CRB1: variants seen among roughly 807,000 people sequenced by gnomAD.
CRB1 encodes crumbs cell polarity complex component 1.
Under a neutral mutation model 120.0 loss-of-function variants are expected in CRB1, and 83 were observed. The observed-to-expected ratio is 0.69, with a 90% CI of 0.58 to 0.83. The LOEUF is 0.83. Ranked by LOEUF, CRB1 falls within the 40% of genes least tolerant of loss-of-function variation. The probability of loss-of-function intolerance (pLI) is 0.00; values close to 1 mark genes in which losing one functional copy is unlikely to be tolerated. For missense variants in CRB1, 1,699 were observed against 1,687.6 expected, an observed-to-expected ratio of 1.01 and a Z score of -0.12; for synonymous variants, 625 against 612.5, an observed-to-expected ratio of 1.02 and a Z score of -0.30.
At chr1:197,202,962 G>GGTGTGTGT in the CRB1 span, among the ~76,000 whole-genome samples, 7,606 of 147,592 alleles carry the variant, frequency 0.052, 631 homozygotes, top group African/African-American at 0.18. Flanking sequence ...ATGTCTTTGT[G>GGTGTGTGT]GTGTGTGTGT....
Position 197,347,429 on chromosome 1 carries a change from A to C in CRB1, c.938A>C (p.Asn313Thr). The C allele has an allele frequency of 6.2e-7, 1 of 1,614,160 alleles. No homozygotes were observed. Among genetic ancestry groups the C allele is most frequent in the Non-Finnish European group, 8.5e-7 (1 of 1,179,996 alleles). The change falls in exon 4 of 12, where the codon AAT becomes ACT. Residue 313 changes from asparagine (N) to threonine (T), a missense_variant. By Grantham distance (65) the Asn-to-Thr change is moderately conservative. Coordinates refer to ENST00000367400, the MANE Select transcript of CRB1 (RefSeq NM_201253.3). ...TGTTGGTCAAAACCTTGTCACAATAATGCTACATGTGAGGACAGTGTTGAC... is the reference window on the plus strand; with the variant it reads ...TGTTGGTCAAAACCTTGTCACAATACTGCTACATGTGAGGACAGTGTTGAC... ...PLCWSKPCHN[N>T]ATCEDSVDNY...
chr1:197,467,903 C>T (rs1285153095), intron 11 of CRB1, among the ~76,000 whole-genome samples: 2 of 152,162 alleles, frequency 1.3e-5, no homozygotes, highest in African/African-American at 2.4e-5. Flanking sequence ...TTCTGGCCCT[C>T]CTGAGAGACA....
At chr1:197,340,068 C>A (rs891108207) in intron 2 of CRB1, among the ~76,000 whole-genome samples, 2 of 152,078 alleles carry the variant, frequency 1.3e-5, no homozygotes, top group Admixed American at 6.6e-5. Context: ...AAGGAGCTCA[C>A]AATTTTGTAG....
At chr1:197,419,987 G>GAAAAAAAAAAAAAA (rs398053681) in intron 5 of CRB1, among the ~76,000 whole-genome samples, 2 of 46,792 alleles carry the variant, frequency 4.3e-5, no homozygotes, top group African/African-American at 4.9e-5. Context: ...TCTCAAAAAC[G>GAAAAAAAAAAAAAA]AAAAAAAAAA....
intron 1 of CRB1, among the ~76,000 whole-genome samples, chr1:197,299,942 C>T (rs1408630533): frequency 2.0e-5 from 3 of 151,628 alleles, no homozygotes; most frequent in Admixed American, 1.3e-4. Context: ...CAAACTTTTT[C>T]AGTATTTTGT....
intron 11 of CRB1, among the ~76,000 whole-genome samples, chr1:197,452,252 A>G (rs1315152484): frequency 6.6e-6 from 1 of 152,204 alleles, no homozygotes; most frequent in Non-Finnish European, 1.5e-5. Context: ...GAGATTGTGA[A>G]TGAGAGTCTC....
intron 11 of CRB1, among the ~76,000 whole-genome samples, chr1:197,471,223 C>T (rs1184191884): frequency 6.6e-6 from 1 of 152,058 alleles, no homozygotes; most frequent in Non-Finnish European, 1.5e-5. Flanking sequence ...TGTGATGACC[C>T]CCAATCAGCA....
chr1:197,433,250 T>C (rs1373888365), intron 8 of CRB1, among the ~76,000 whole-genome samples: 1 of 152,024 alleles, frequency 6.6e-6, no homozygotes, highest in Non-Finnish European at 1.5e-5. Context: ...TGATAACTAA[T>C]GGAGCTTGAC....
chr1:197,288,925 A>G (rs892517433), intron 1 of CRB1, among the ~76,000 whole-genome samples: 4 of 151,648 alleles, frequency 2.6e-5, no homozygotes, highest in African/African-American at 7.3e-5. Context: ...TTGAAGAAAT[A>G]ATGCCCAAAC....
intron 2 of CRB1, among the ~76,000 whole-genome samples, chr1:197,334,499 T>A (rs1046358091): frequency 6.6e-6 from 1 of 152,266 alleles, no homozygotes. Flanking sequence ...TTGGAGTGGG[T>A]TCACCCCCTT....
chr1:197,339,138 C>T (rs575744531), intron 2 of CRB1, among the ~76,000 whole-genome samples: 6 of 152,290 alleles, frequency 3.9e-5, no homozygotes, highest in African/African-American at 7.2e-5. Context: ...TTGGCTAAAA[C>T]GCCAAAGATG....
chr1:197,254,285 C>A, the CRB1 span, among the ~76,000 whole-genome samples: 2 of 151,946 alleles, frequency 1.3e-5, no homozygotes, highest in East Asian at 3.9e-4. Context: ...ACTTTTTTGG[C>A]CATTCCTTGT....
At chr1:197,298,011 A>G (rs139491599) in intron 1 of CRB1, among the ~76,000 whole-genome samples, 82 of 152,196 alleles carry the variant, frequency 5.4e-4, no homozygotes, top group Non-Finnish European at 7.2e-4. Flanking sequence ...GATGGTGAAC[A>G]TAGACAACTG....
At chr1:197,458,954 C>T (rs773471603) in intron 11 of CRB1, among the ~76,000 whole-genome samples, 8 of 151,852 alleles carry the variant, frequency 5.3e-5, no homozygotes, top group African/African-American at 7.2e-5. Flanking sequence ...ATGGAGGATA[C>T]GGAAATTAAA....
chr1:197,341,505 T>C (rs1659456521), intron 2 of CRB1, among the ~76,000 whole-genome samples: 1 of 151,616 alleles, frequency 6.6e-6, no homozygotes, highest in Admixed American at 6.6e-5. Context: ...AAAGCACCAC[T>C]GGTGGCAAAG....
At chr1:197,387,990 C>G (rs971952089) in intron 5 of CRB1, among the ~76,000 whole-genome samples, 4 of 151,636 alleles carry the variant, frequency 2.6e-5, no homozygotes, top group African/African-American at 9.7e-5. Flanking sequence ...AAACTCATCT[C>G]TCTCTCTCTC....
chr1:197,256,467 T>C, the CRB1 span, among the ~76,000 whole-genome samples: 1 of 152,098 alleles, frequency 6.6e-6, no homozygotes, highest in South Asian at 2.1e-4. Context: ...TCTCATGAGT[T>C]CCAGATTCAA....
chr1:197,450,403 C>CTTA (rs1665901631), intron 11 of CRB1, among the ~76,000 whole-genome samples: 1 of 152,094 alleles, frequency 6.6e-6, no homozygotes, highest in Non-Finnish European at 1.5e-5. Context: ...GGCATTTTAG[C>CTTA]TTATTTTAGC....
intron 5 of CRB1, 57 bp from the exon 6 acceptor site, chr1:197,420,943 A>C (rs1235570512): frequency 8.8e-7 from 1 of 1,137,400 alleles, no homozygotes; most frequent in East Asian, 2.3e-5. Context: ...AATTACGTGA[A>C]ACTTCTATTT....
Sources: gnomAD v4.1 joint callset for allele counts (sites outside exome capture counted in the v4.1 genomes callset) on GRCh38, gnomAD v4.1.1 for gene constraint, MANE v1.5 for transcripts, NCBI Gene and HGNC (gene_info 2026-07-23, HGNC 2026-07-21) for gene names.